EYA1: variants seen among roughly 807,000 people sequenced by gnomAD.
EYA1 encodes the protein EYA transcriptional coactivator and phosphatase 1, also known as protein phosphatase EYA1.
EYA1 carries 16 observed loss-of-function variants against 82.0 expected under a neutral mutation model. The ratio of observed to expected loss-of-function variants is 0.20; its 90% CI spans 0.13 to 0.30. The LOEUF (loss-of-function observed/expected upper bound fraction) is 0.30. Ranked by LOEUF, EYA1 falls within the 10% of genes least tolerant of loss-of-function variation. EYA1 has a pLI of 1.00. For synonymous variants in EYA1, 261 were observed against 264.4 expected (o/e 0.99, Z 0.12); for missense variants, 633 against 730.7 (o/e 0.87, Z 1.54).
chr8:71,473,723 T>C (rs143925468), intron 2 of EYA1, among the ~76,000 whole-genome samples: 8,293 of 152,168 alleles, frequency 0.054, 769 homozygotes, highest in African/African-American at 0.19. Context: ...GGATTATAAA[T>C]CATCATACTG....
chr8:71,458,701 A>C (rs1808142878), intron 2 of EYA1, among the ~76,000 whole-genome samples: 1 of 152,198 alleles, frequency 6.6e-6, no homozygotes, highest in South Asian at 2.1e-4. Flanking sequence ...CTATATTGAA[A>C]GTGGAGCCAC....
intron 1 of EYA1, among the ~76,000 whole-genome samples, chr8:71,538,957 A>G (rs1814930643): frequency 6.6e-6 from 1 of 152,112 alleles, no homozygotes; most frequent in South Asian, 2.1e-4. Flanking sequence ...TCTACCCTAA[A>G]TGGCCAAATC....
intron 4 of EYA1, among the ~76,000 whole-genome samples, chr8:71,323,128 A>C: frequency 6.6e-6 from 1 of 152,116 alleles, no homozygotes; most frequent in South Asian, 2.1e-4. Flanking sequence ...TTGTAAACAC[A>C]GTGAATCTAC....
At chr8:71,330,517 A>G (rs1823715440) in intron 4 of EYA1, among the ~76,000 whole-genome samples, 1 of 152,050 alleles carries the variant, frequency 6.6e-6, no homozygotes, top group African/African-American at 2.4e-5. Flanking sequence ...TTTTAGCACT[A>G]TGTACTTGAA....
chr8:71,256,034 T>C (rs191078331), intron 11 of EYA1, among the ~76,000 whole-genome samples: 1 of 151,664 alleles, frequency 6.6e-6, no homozygotes, highest in Non-Finnish European at 1.5e-5. Flanking sequence ...ATGGCTACTA[T>C]CAGAAAACAA....
exon 1 of EYA1, chr8:71,547,983 A>C (rs1223605703): frequency 1.3e-5 from 2 of 152,228 alleles, no homozygotes; most frequent in Non-Finnish European, 2.9e-5. Flanking sequence ...TGTTTAGGGC[A>C]AAAAACCCGG....
At chr8:71,418,453 T>C (rs1004637286) in intron 2 of EYA1, among the ~76,000 whole-genome samples, 3 of 152,132 alleles carry the variant, frequency 2.0e-5, no homozygotes, top group African/African-American at 7.2e-5. Context: ...TGAGCCCACA[T>C]GCACTTTGGC....
chr8:71,443,229 A>G (rs1184569384), intron 2 of EYA1, among the ~76,000 whole-genome samples: 3 of 152,178 alleles, frequency 2.0e-5, no homozygotes. Context: ...ACAGTTCTAC[A>G]ATGTCTAGCT....
chr8:71,375,873 C>A (rs1385829248), intron 2 of EYA1, among the ~76,000 whole-genome samples: 1 of 152,160 alleles, frequency 6.6e-6, no homozygotes, highest in African/African-American at 2.4e-5. Context: ...AGGTGATCCA[C>A]CTGCCTCTGC....
chr8:71,421,220 C>T (rs1831130380), intron 2 of EYA1, among the ~76,000 whole-genome samples: 1 of 152,120 alleles, frequency 6.6e-6, no homozygotes, highest in African/African-American at 2.4e-5. Context: ...GGTGATCAAT[C>T]AATTGTTTCA....
intron 2 of EYA1, among the ~76,000 whole-genome samples, chr8:71,503,439 T>C (rs979243440): frequency 6.6e-6 from 1 of 151,776 alleles, no homozygotes; most frequent in African/African-American, 2.4e-5. Context: ...TGCCACTGCA[T>C]TGCAGCCTGG....
intron 7 of EYA1, among the ~76,000 whole-genome samples, chr8:71,307,734 G>A (rs1306263473): frequency 2.0e-5 from 3 of 152,148 alleles, no homozygotes; most frequent in Non-Finnish European, 2.9e-5. Flanking sequence ...CTGGACCCCA[G>A]ACATGGTACA....
At chr8:71,517,866 C>T (rs927746765) in intron 2 of EYA1, among the ~76,000 whole-genome samples, 1 of 151,394 alleles carries the variant, frequency 6.6e-6, no homozygotes, top group South Asian at 2.1e-4. Context: ...TCAACATATA[C>T]AATCCCTGAT....
At chr8:71,261,255 T>G (rs1815070014) in intron 11 of EYA1, among the ~76,000 whole-genome samples, 1 of 152,220 alleles carries the variant, frequency 6.6e-6, no homozygotes, top group South Asian at 2.1e-4. Context: ...TCCATTATTG[T>G]GTTTTCTCCT....
intron 2 of EYA1, among the ~76,000 whole-genome samples, chr8:71,516,481 C>G (rs1015468903): frequency 1.3e-5 from 2 of 152,116 alleles, no homozygotes; most frequent in Non-Finnish European, 2.9e-5. Context: ...AGAAGTCACA[C>G]AGTATATATG....
chr8:71,344,047 T>A lies in EYA1; in HGVS notation c.125-9873A>T, dbSNP rs1328880792. ...AAACCATCTTATTTTTAATATATTT[T>A]AAAGTAAGTTGCAGATATAATACAC... On this transcript the variant is annotated intron_variant, in intron 3 of 17. Transcript: ENST00000340726. Among the ~76,000 whole-genome samples the A allele has an allele frequency of 2.6e-5, 4 of 152,284 alleles. No individual in the cohort carries two copies. In the South Asian group the frequency reaches 8.3e-4, roughly 32 times the overall value.
chr8:71,492,521 G>T (rs572711610), intron 2 of EYA1, among the ~76,000 whole-genome samples: 1 of 150,270 alleles, frequency 6.7e-6, no homozygotes, highest in Non-Finnish European at 1.5e-5. Context: ...CTGGAGTGCA[G>T]TCGCGTGATC....
intron 17 of EYA1, among the ~76,000 whole-genome samples, chr8:71,209,229 A>G (rs977327647): frequency 2.6e-5 from 4 of 152,216 alleles, no homozygotes; most frequent in African/African-American, 9.6e-5. Context: ...ATGTCAGAAA[A>G]CATTCTCTTC....
chr8:71,484,986 T>G (rs1460391977), intron 2 of EYA1, among the ~76,000 whole-genome samples: 1 of 152,220 alleles, frequency 6.6e-6, no homozygotes, highest in Non-Finnish European at 1.5e-5. Flanking sequence ...AGCCTTCAAC[T>G]GCATTGCCAA....
Sources: gnomAD v4.1 joint callset for allele counts (sites outside exome capture counted in the v4.1 genomes callset) on GRCh38, gnomAD v4.1.1 for gene constraint, MANE v1.5 for transcripts, NCBI Gene and HGNC (gene_info 2026-07-23, HGNC 2026-07-21) for gene names.